PCSK1: variants seen among roughly 807,000 people sequenced by gnomAD.
The protein encoded by PCSK1 is neuroendocrine convertase 1.
In PCSK1, 56 loss-of-function variants were observed where a neutral mutation model predicts 90.6. The ratio of observed to expected loss-of-function variants is 0.62; its 90% confidence interval spans 0.50 to 0.77. The LOEUF (loss-of-function observed/expected upper bound fraction) is 0.77. Ranked by LOEUF, PCSK1 falls within the 30% of genes least tolerant of loss-of-function variation. The probability of loss-of-function intolerance (pLI) is 0.00; values close to 1 mark genes in which losing one functional copy is unlikely to be tolerated. For synonymous variants in PCSK1, 348 were observed against 342.4 expected (o/e 1.02, Z -0.18); for missense variants, 801 against 932.6 (o/e 0.86, Z 1.84).
At position 96,408,084 on chromosome 5, in the gene PCSK1, G is replaced by A. The variant is rs79478182; in HGVS notation, c.1196+139C>T. ...GATGTTAACTATGGTTAGTGACCTCGAAGTGGCAGGAAAGAGCTTATCTTT... is the reference window on the plus strand; with the variant it reads ...GATGTTAACTATGGTTAGTGACCTCAAAGTGGCAGGAAAGAGCTTATCTTT... On this transcript the variant is annotated intron_variant, in intron 9 of 13. Coordinates refer to ENST00000311106, the MANE Select transcript of PCSK1 (RefSeq NM_000439.5). 3.0e-3 allele frequency: 2,093 copies of A among 699,334 alleles called. 43 individuals carry two copies. The African/African-American group carries it at 0.031, about 11-fold the overall frequency. The allele number at this position is 699,334 out of a possible 1,614,324, so 43.3% of individuals were successfully genotyped here. A position where few individuals can be genotyped will look rare whatever the true frequency, so the allele number is the denominator to read the frequency against.
chr5:96,432,291 G>C, intron 1 of PCSK1: 2 of 650,854 alleles, frequency 3.1e-6, no homozygotes, highest in Non-Finnish European at 2.6e-6. Flanking sequence ...GCTACTCCGC[G>C]GCCTCCCAAC....
At position 96,433,053 on chromosome 5, in the gene PCSK1, C is replaced by T. The variant is rs760630258; in HGVS notation, c.-11G>A. ...GGCTCTTCGCTCCATAGCTCACACA[C>T]TCGCTTGAACAAGAGTGGGAAGGGA... On this transcript the variant is annotated 5_prime_UTR_variant, in exon 1 of 14. The change creates a new upstream start codon in the 5' untranslated region. Transcript: ENST00000311106. 1 of 1,613,478 alleles carries T rather than the reference C, an allele frequency of 6.2e-7. No homozygotes were observed. The highest frequency in any genetic ancestry group is 8.5e-7 in the Non-Finnish European group (1 of 1,179,414).
At chr5:96,416,219 G>A (rs1427993084) in intron 5 of PCSK1, 98 bp from the exon 6 acceptor site, 4 of 833,646 alleles carry the variant, frequency 4.8e-6, no homozygotes, top group Non-Finnish European at 8.2e-6. Context: ...TTAACTTTTT[G>A]TCGGCCTTGT....
chr5:96,401,450 G>T (rs185139343), intron 9 of PCSK1, among the ~76,000 whole-genome samples: 2 of 152,204 alleles, frequency 1.3e-5, no homozygotes, highest in Admixed American at 1.3e-4. Context: ...CAGAAAGGGA[G>T]CTTATACTTT....
intron 9 of PCSK1, among the ~76,000 whole-genome samples, chr5:96,402,258 C>T (rs1015039333): frequency 7.2e-5 from 11 of 152,218 alleles, no homozygotes; most frequent in African/African-American, 2.7e-4. Flanking sequence ...AAAGGTCTTA[C>T]CTGGCACGAC....
rs903551437 is a variant in PCSK1, at chr5:96,432,165, A to C, written c.180+698T>G. Reference sequence around the variant, plus strand: ...ACCCTGCAGTGGGACTGGCCGGGCAAAGTTATGAAGCTTGGACTTTATAAG... The same window carrying C: ...ACCCTGCAGTGGGACTGGCCGGGCACAGTTATGAAGCTTGGACTTTATAAG... On this transcript the variant is annotated intron_variant, in intron 1 of 13. Coordinates refer to ENST00000311106, the MANE Select transcript of PCSK1 (RefSeq NM_000439.5). 6 of 1,531,650 alleles carry C rather than the reference A, an allele frequency of 3.9e-6. No homozygotes were observed. The African/African-American group carries it at 8.2e-5, about 21-fold the overall frequency. 94.9% of individuals were successfully genotyped at this position (1,531,650 alleles called of 1,614,324 possible). A position where few individuals can be genotyped will look rare whatever the true frequency, so the allele number is the denominator to read the frequency against.
At chr5:96,412,800 AGCAAAAGCTCTGG>A (rs1760814637) in intron 6 of PCSK1, 2 of 270,698 alleles carry the variant, frequency 7.4e-6, no homozygotes, top group South Asian at 9.4e-5. Context: ...CTCTCTTCCC[AGCAAAAGCTCTGG>A]GCATTGAGTC....
intron 7 of PCSK1, 75 bp downstream of exon 7, chr5:96,412,243 C>T (rs779711265): frequency 8.2e-7 from 1 of 1,220,252 alleles, no homozygotes; most frequent in South Asian, 1.2e-5. Context: ...TCCATGTAAC[C>T]TAAGTGTTCT....
intron 4 of PCSK1, among the ~76,000 whole-genome samples, chr5:96,422,388 G>A (rs890275782): frequency 6.6e-6 from 1 of 152,126 alleles, no homozygotes; most frequent in East Asian, 1.9e-4. Context: ...GTGGCTGAGG[G>A]TGGGACTCAG....
intron 3 of PCSK1, 74 bp from the exon 4 acceptor site, chr5:96,423,533 C>G: frequency 7.6e-7 from 1 of 1,311,314 alleles, no homozygotes; most frequent in Non-Finnish European, 1.1e-6. Context: ...TCAGTTCCAA[C>G]CTGGAGACCC....
Position 96,424,069 on chromosome 5 carries a change from A to AGT in PCSK1, c.397-612_397-611dup, listed in dbSNP as rs3841126. ...TTAAAATACATTTTCTGATAGTCAG[A>AGT]GTGTGGGACTGTACAGGAGATAAGT... On this transcript the variant is annotated intron_variant, in intron 3 of 13. Coordinates refer to ENST00000311106, the MANE Select transcript of PCSK1 (RefSeq NM_000439.5). Among the ~76,000 whole-genome samples, 10 of 152,292 alleles carry AGT rather than the reference A, an allele frequency of 6.6e-5. 1 individual carries two copies. The East Asian group carries it at 1.9e-3, about 29-fold the overall frequency.
At position 96,397,940 on chromosome 5, in the gene PCSK1, AATC is replaced by A. The variant is rs137898863; in HGVS notation, c.1589-474_1589-472del. On this transcript the variant is annotated intron_variant, in intron 11 of 13. Transcript: ENST00000311106. ...TTTAATTTATTATGCAATCATTAAT[AATC>A]ATAATTATTTAATTAATGTATTAAT... is the stretch of plus-strand genomic sequence containing the variant. Among the ~76,000 whole-genome samples, 1,104 of 152,024 alleles carry A rather than the reference AATC, an allele frequency of 7.3e-3. 10 individuals are homozygous for A. The highest frequency in any genetic ancestry group is 0.026 in the African/African-American group (1,063 of 41,542).
Position 96,392,190 on chromosome 5 carries a change from G to A in PCSK1, c.*811C>T, listed in dbSNP as rs1759967975. ...CAAGTGTAAGTTTTTTTTTTTCTGG[G>A]AAAGTGGTATATATCATTTCTCCCA... On this transcript the variant is annotated 3_prime_UTR_variant, in exon 14 of 14. Coordinates refer to ENST00000311106, the MANE Select transcript of PCSK1 (RefSeq NM_000439.5). The A allele has an allele frequency of 6.6e-6, 1 of 151,360 alleles. No homozygotes were observed. The highest frequency in any genetic ancestry group is 2.1e-4 in the South Asian group (1 of 4,804). The allele number at this position is 151,360 out of a possible 1,614,324, so 9.4% of individuals were successfully genotyped here.
chr5:96,411,042 A>G (rs1204438365), intron 7 of PCSK1, 56 bp from the exon 8 acceptor site: 1 of 1,223,998 alleles, frequency 8.2e-7, no homozygotes, highest in African/African-American at 1.5e-5. Flanking sequence ...GGTCATTGTT[A>G]TATCCCAATA....
At chr5:96,393,904 G>A (rs1219855935) in intron 13 of PCSK1, among the ~76,000 whole-genome samples, 2 of 152,144 alleles carry the variant, frequency 1.3e-5, no homozygotes, top group African/African-American at 4.8e-5. Flanking sequence ...GGGAGCTGGA[G>A]AGCTCAGAGA....
chr5:96,427,391 GT>G (rs1377338446), intron 2 of PCSK1, among the ~76,000 whole-genome samples: 1 of 152,144 alleles, frequency 6.6e-6, no homozygotes, highest in African/African-American at 2.4e-5. Context: ...TGCATTATAG[GT>G]ATCATGTACT....
At chr5:96,409,355 T>C (rs1760677531) in intron 8 of PCSK1, among the ~76,000 whole-genome samples, 1 of 152,212 alleles carries the variant, frequency 6.6e-6, no homozygotes, top group Admixed American at 6.5e-5. Flanking sequence ...TTTCTCAAGT[T>C]ATGATGGCTC....
rs3792745 is a variant in PCSK1, at chr5:96,430,360, C to T, written c.181-1043G>A. On this transcript the variant is annotated intron_variant, in intron 1 of 13. Coordinates refer to ENST00000311106, the MANE Select transcript of PCSK1 (RefSeq NM_000439.5). ...TGACAACAGTATATTACAGAAGAAA[C>T]GTGTTCTTTAAATTGGTGATTCTCA... 1.7e-3 allele frequency among the ~76,000 whole-genome samples: 257 copies of T among 152,230 alleles called. 3 individuals are homozygous for T. Among genetic ancestry groups the T allele is most frequent in the South Asian group, 0.016 (75 of 4,816 alleles).
Position 96,397,385 on chromosome 5 carries a change from G to A in PCSK1, c.1673C>T (p.Thr558Ile). ...FKNWDFMSVH[T>I]WGENPIGTWT... The stretch of plus-strand genomic sequence containing the variant: ...AGTACCTATAGGGTTCTCTCCCCAT[G>A]TGTGAACAGACATGAAGTCCCAATT... The change falls in exon 12 of 14, where the codon ACA becomes ATA. Residue 558 changes from threonine to isoleucine, a missense_variant. By Grantham distance (89) the Thr-to-Ile change is moderately conservative. Transcript: ENST00000311106. The A allele has an allele frequency of 1.2e-6, 2 of 1,611,504 alleles. No homozygotes were observed. Among genetic ancestry groups the A allele is most frequent in the East Asian group, 2.2e-5 (1 of 44,834 alleles).
Sources: allele counts gnomAD v4.1 joint callset (sites outside exome capture counted in the v4.1 genomes callset), GRCh38; gene constraint gnomAD v4.1.1; transcripts MANE v1.5; gene names NCBI Gene and HGNC (gene_info 2026-07-23, HGNC 2026-07-21).